Variants in PPARGC1A observed in about 807,000 individuals in gnomAD.
PPARGC1A encodes the protein PPARG coactivator 1 alpha.
Under a neutral mutation model 88.7 loss-of-function variants are expected in PPARGC1A, and 25 were observed. The observed-to-expected ratio is 0.28, with a 90% CI of 0.21 to 0.39. The LOEUF is 0.39. Ranked by LOEUF, PPARGC1A falls within the 10% of genes least tolerant of loss-of-function variation. The pLI, the probability that PPARGC1A is intolerant of heterozygous loss-of-function variation, is 1.00. For synonymous variants in PPARGC1A, 363 were observed against 355.6 expected (o/e 1.02, Z -0.24); for missense variants, 880 against 968.7 (o/e 0.91, Z 1.22).
intron 7 of PPARGC1A, among the ~76,000 whole-genome samples, chr4:23,817,744 C>T (rs1722240301): frequency 2.6e-5 from 4 of 152,138 alleles, no homozygotes; most frequent in Admixed American, 2.6e-4. Flanking sequence ...ACTGAAACAT[C>T]TCTAACCGGA....
At chr4:23,823,117 T>C (rs1723299996) in intron 7 of PPARGC1A, among the ~76,000 whole-genome samples, 1 of 59,724 alleles carries the variant, frequency 1.7e-5, no homozygotes, top group Non-Finnish European at 3.1e-5. Context: ...GGAAAAATAT[T>C]CCTGTAAAAA....
chr4:23,806,336 C>A (rs1218725082), intron 10 of PPARGC1A, among the ~76,000 whole-genome samples: 1 of 152,128 alleles, frequency 6.6e-6, no homozygotes, highest in African/African-American at 2.4e-5. Context: ...AGAACTGATT[C>A]TTTTAAACAT....
chr4:24,251,363 C>T, the PPARGC1A span, among the ~76,000 whole-genome samples: 1 of 152,172 alleles, frequency 6.6e-6, no homozygotes, highest in African/African-American at 2.4e-5. Flanking sequence ...CTTGTATGAT[C>T]TAGAATCTTC....
At chr4:24,314,497 C>G in the PPARGC1A span, among the ~76,000 whole-genome samples, 1 of 152,170 alleles carries the variant, frequency 6.6e-6, no homozygotes, top group South Asian at 2.1e-4. Context: ...TAGCCAGCCC[C>G]TTGCTCTTGG....
At chr4:24,272,495 T>A in the PPARGC1A span, among the ~76,000 whole-genome samples, 1 of 152,178 alleles carries the variant, frequency 6.6e-6, no homozygotes. Context: ...TTTAGAAATT[T>A]AATACACTTC....
intron 2 of PPARGC1A, among the ~76,000 whole-genome samples, chr4:23,833,866 TA>T (rs1725511931): frequency 6.6e-6 from 1 of 152,164 alleles, no homozygotes; most frequent in Non-Finnish European, 1.5e-5. Context: ...GTCTGAAGTT[TA>T]AAACTTTAAT....
the PPARGC1A span, among the ~76,000 whole-genome samples, chr4:24,051,802 A>G: frequency 2.7e-3 from 405 of 152,254 alleles, 1 homozygote; most frequent in Middle Eastern, 0.017. Flanking sequence ...CTAAAAATGA[A>G]TAGACAAGCC....
the PPARGC1A span, among the ~76,000 whole-genome samples, chr4:24,028,261 T>A: frequency 6.6e-6 from 1 of 152,106 alleles, no homozygotes; most frequent in African/African-American, 2.4e-5. Context: ...AACAATTTCT[T>A]TCATAGAATA....
At chr4:24,153,149 G>C in the PPARGC1A span, among the ~76,000 whole-genome samples, 6 of 152,130 alleles carry the variant, frequency 3.9e-5, no homozygotes, top group Admixed American at 2.0e-4. Flanking sequence ...GAGGAGCATA[G>C]AGTGTTTTCT....
chr4:24,181,558 T>C, the PPARGC1A span, among the ~76,000 whole-genome samples: 5 of 152,140 alleles, frequency 3.3e-5, no homozygotes, highest in Admixed American at 3.3e-4. Context: ...CTGTACTGGG[T>C]GCCACAGACT....
the PPARGC1A span, among the ~76,000 whole-genome samples, chr4:23,930,548 A>T: frequency 2.6e-5 from 4 of 152,228 alleles, no homozygotes; most frequent in Non-Finnish European, 5.9e-5. Flanking sequence ...AAGGTTTTGA[A>T]ATATGAACAA....
the PPARGC1A span, among the ~76,000 whole-genome samples, chr4:24,082,037 G>A: frequency 5.3e-5 from 8 of 152,048 alleles, no homozygotes; most frequent in East Asian, 1.9e-4. Flanking sequence ...AAGATCCAAC[G>A]GTTTCCAGGA....
At chr4:24,235,456 C>A in the PPARGC1A span, among the ~76,000 whole-genome samples, 1 of 152,154 alleles carries the variant, frequency 6.6e-6, no homozygotes. Flanking sequence ...CCTTGGAAAT[C>A]TCTGTAATTA....
chr4:24,445,234 G>C, the PPARGC1A span, among the ~76,000 whole-genome samples: 3,154 of 152,264 alleles, frequency 0.021, 102 homozygotes, highest in African/African-American at 0.072. Context: ...GGAACAAACC[G>C]TCTGTGGTCA....
chr4:24,210,189 T>G, the PPARGC1A span, among the ~76,000 whole-genome samples: 1 of 152,186 alleles, frequency 6.6e-6, no homozygotes, highest in African/African-American at 2.4e-5. Context: ...AATCTAATTA[T>G]GAATGTTCCA....
intron 1 of PPARGC1A, among the ~76,000 whole-genome samples, chr4:23,887,122 A>G (rs1717047489): frequency 6.6e-6 from 1 of 152,198 alleles, no homozygotes; most frequent in South Asian, 2.1e-4. Context: ...AAACCATTGA[A>G]AAGACCAGGT....
intron 2 of PPARGC1A, among the ~76,000 whole-genome samples, chr4:23,867,964 C>T (rs938877355): frequency 4.6e-5 from 7 of 152,182 alleles, no homozygotes; most frequent in Admixed American, 3.3e-4. Context: ...CCAGGAAATA[C>T]GGGCACAGTG....
chr4:24,188,312 C>G, the PPARGC1A span, among the ~76,000 whole-genome samples: 1 of 152,100 alleles, frequency 6.6e-6, no homozygotes, highest in African/African-American at 2.4e-5. Flanking sequence ...AGTAGGGAAG[C>G]CTTCCCTGTT....
the PPARGC1A span, among the ~76,000 whole-genome samples, chr4:24,470,277 G>GACACACACAGACACACACAC: frequency 1.8e-5 from 2 of 110,676 alleles, no homozygotes; most frequent in Non-Finnish European, 3.7e-5. This position sits in a 1 kb window ranked among gnomAD's most constrained non-coding sequence, Gnocchi z 5.8. Flanking sequence ...GACAGACACA[G>GACACACACAGACACACACAC]ACACACACAC....
Sources: allele counts gnomAD v4.1 joint callset (sites outside exome capture counted in the v4.1 genomes callset), GRCh38; gene constraint gnomAD v4.1.1; non-coding constraint Gnocchi (gnomAD v3.1); transcripts MANE v1.5; gene names NCBI Gene and HGNC (gene_info 2026-07-23, HGNC 2026-07-21).